CATSPERB: variants seen among roughly 807,000 people sequenced by gnomAD.
The protein encoded by CATSPERB is catsper channel auxiliary subunit beta.
A neutral mutation model predicts 128.3 loss-of-function variants in CATSPERB; 93 were observed. That is an observed-to-expected ratio of 0.72 (90% confidence interval 0.61 to 0.86). The LOEUF is 0.86. CATSPERB is among the 40% of genes least tolerant of loss of function. The pLI, the probability that CATSPERB is intolerant of heterozygous loss-of-function variation, is 0.00. For synonymous variants in CATSPERB, 381 were observed against 448.8 expected, an observed-to-expected ratio of 0.85 and a Z score of 1.91; for missense variants, 1,153 against 1,329.5, an observed-to-expected ratio of 0.87 and a Z score of 2.06.
chr14:91,633,695 T>C (rs1894316601), intron 17 of CATSPERB, among the ~76,000 whole-genome samples: 1 of 152,064 alleles, frequency 6.6e-6, no homozygotes, highest in Non-Finnish European at 1.5e-5. Context: ...AAAAATTCTA[T>C]AGATAAGCTC....
At chr14:91,609,866 G>A (rs1011038082) in intron 21 of CATSPERB, among the ~76,000 whole-genome samples, 12 of 152,092 alleles carry the variant, frequency 7.9e-5, no homozygotes, top group Non-Finnish European at 1.6e-4. Context: ...GATTACAGGC[G>A]CGTGCCACCG....
intron 15 of CATSPERB, among the ~76,000 whole-genome samples, chr14:91,640,282 T>C (rs1894468981): frequency 6.6e-6 from 1 of 151,620 alleles, no homozygotes; most frequent in African/African-American, 2.4e-5. Context: ...TTAAGGTACA[T>C]GTGCACATTG....
At chr14:91,586,105 G>C (rs1314330200) in intron 26 of CATSPERB, among the ~76,000 whole-genome samples, 4 of 152,114 alleles carry the variant, frequency 2.6e-5, no homozygotes, top group South Asian at 4.1e-4. Context: ...CATTTCAAAG[G>C]CTTTGCTGTT....
In CATSPERB at chr14:91,608,278, T is replaced by TA. The variant is rs1326852846; in HGVS notation, c.2709+15dup. ...ATTCAAATAAGTGCTAGATTATTTG[T>TA]AAAAAAGTTATTTACCTTTGACATG... On this transcript the variant is annotated intron_variant, in intron 22 of 26. Coordinates refer to ENST00000256343, the MANE Select transcript of CATSPERB (RefSeq NM_024764.4). 2 of 1,485,010 alleles carry TA rather than the reference T, an allele frequency of 1.3e-6. No individual in the cohort carries two copies. Among genetic ancestry groups the TA allele is most frequent in the Non-Finnish European group, 1.9e-6 (2 of 1,066,030 alleles). The allele number at this position is 1,485,010 out of a possible 1,614,324, so 92.0% of individuals were successfully genotyped here.
At chr14:91,719,266 C>A in intron 5 of CATSPERB, 152 bp downstream of exon 5, 1 of 464,348 alleles carries the variant, frequency 2.2e-6, no homozygotes, top group Non-Finnish European at 3.7e-6. Flanking sequence ...TTCAGATAAA[C>A]CACAGATAAT....
chr14:91,666,243 A>G (rs970947724), intron 14 of CATSPERB, among the ~76,000 whole-genome samples: 10 of 152,222 alleles, frequency 6.6e-5, no homozygotes, highest in Non-Finnish European at 1.2e-4. Context: ...TACAGCCTAT[A>G]CTGGCTTATC....
At chr14:91,660,985 G>A (rs960689178) in intron 14 of CATSPERB, among the ~76,000 whole-genome samples, 1 of 152,176 alleles carries the variant, frequency 6.6e-6, no homozygotes, top group Admixed American at 6.5e-5. Flanking sequence ...CTTGCTTACT[G>A]GGCCTGAATA....
chr14:91,582,372 G>A (rs1415223475), intron 26 of CATSPERB, among the ~76,000 whole-genome samples: 1 of 152,136 alleles, frequency 6.6e-6, no homozygotes, highest in Non-Finnish European at 1.5e-5. Context: ...TTATATTCCA[G>A]CCAAATGGAT....
chr14:91,676,359 C>T (rs1272942234), intron 11 of CATSPERB, among the ~76,000 whole-genome samples: 2 of 152,100 alleles, frequency 1.3e-5, no homozygotes, highest in Admixed American at 6.5e-5. Context: ...TCACTAAAGG[C>T]CCCTGATTTT....
intron 13 of CATSPERB, among the ~76,000 whole-genome samples, chr14:91,670,733 G>A (rs1895074684): frequency 6.6e-6 from 1 of 152,040 alleles, no homozygotes; most frequent in South Asian, 2.1e-4. Context: ...GCCAGGCGCA[G>A]TGGCTTACGC....
At chr14:91,640,961 T>C (rs1894486085) in intron 15 of CATSPERB, among the ~76,000 whole-genome samples, 1 of 151,368 alleles carries the variant, frequency 6.6e-6, no homozygotes, top group Non-Finnish European at 1.5e-5. Context: ...CATAGTGGTT[T>C]TGATTTGCAT....
At position 91,669,907 on chromosome 14, in the gene CATSPERB, T is replaced by A. The variant is rs1895056861; in HGVS notation, c.1194A>T (p.Lys398Asn). 6.2e-7 allele frequency: 1 copy of A among 1,613,292 alleles called. No homozygotes were observed. Among genetic ancestry groups the A allele is most frequent in the African/African-American group, 1.3e-5 (1 of 74,986 alleles). Residue 398 changes from lysine (K) to asparagine (N), a missense_variant, in exon 14 of 27, where the codon AAA becomes AAT. Coordinates refer to ENST00000256343, the MANE Select transcript of CATSPERB (RefSeq NM_024764.4). ...LRNNEPNSQS[K>N]FPIFRFPSSF... is the part of the protein sequence containing the mutation. ...ATGAAGGAAACCGAAAAATTGGAAA[T>A]TTTGATTGTGAATTTGGTTCATTAT...
rs754587218 is a variant in CATSPERB at position 91,691,549 on chromosome 14, T to C, written c.838A>G (p.Arg280Gly). ...CTTTCAAAACCACAAAAGTCTGCCC[T>C]GGAAAACTAGAAGAAAAGAAGAAAC... ...YPSRHSLSFS[R>G]ADFCGFERVD... The change falls in exon 10 of 27, where the codon AGG becomes GGG. Residue 280 changes from arginine to glycine, a missense_variant. Arg to Gly is a moderately radical substitution (Grantham distance 125). Transcript: ENST00000256343. 1.9e-5 allele frequency: 30 copies of C among 1,602,344 alleles called. No individual in the cohort carries two copies. The highest frequency in any genetic ancestry group is 2.3e-5 in the Non-Finnish European group (27 of 1,174,074).
Position 91,610,537 on chromosome 14 carries a change from G to A in CATSPERB, c.2541C>T (p.Asp847=). 1 of 1,613,898 alleles carries A rather than the reference G, an allele frequency of 6.2e-7. No individual in the cohort carries two copies. Among genetic ancestry groups the A allele is most frequent in the Non-Finnish European group, 8.5e-7 (1 of 1,179,992 alleles). ...TGTCTTTATGAACTCCACTAATCCA[G>A]TCTTCAAATGGGATAAATTTGCTAG... ...HIPSKFIPFE[D]WISGVHKDSQ... Residue 847 remains aspartate (D), a synonymous_variant, in exon 21 of 27, where the codon GAC becomes GAT. Transcript: ENST00000256343.
chr14:91,605,422 C>T (rs1424209699), intron 22 of CATSPERB: 1 of 505,634 alleles, frequency 2.0e-6, no homozygotes, highest in African/African-American at 1.9e-5. Flanking sequence ...GAAATATGAC[C>T]TCCAGAAGCG....
intron 16 of CATSPERB, 106 bp downstream of exon 16, chr14:91,638,990 G>C: frequency 1.0e-6 from 1 of 1,004,498 alleles, no homozygotes; most frequent in South Asian, 1.7e-5. Context: ...GCATTAATGA[G>C]TTTGTCCCAA....
At chr14:91,715,604 A>G (rs889255043) in intron 5 of CATSPERB, among the ~76,000 whole-genome samples, 4 of 151,818 alleles carry the variant, frequency 2.6e-5, no homozygotes, top group African/African-American at 9.7e-5. Flanking sequence ...AAACTGATCT[A>G]TAGATTCAAT....
rs1174849905 is a variant in CATSPERB at position 91,639,186 on chromosome 14, G to A, written c.1497C>T (p.His499=). The change falls in exon 16 of 27, where the codon CAC becomes CAT. Residue 499 remains histidine (H), a synonymous_variant. Transcript: ENST00000256343. ...GAGTCAGCTTATGTAGGAATCCCAA[G>A]TGATCATAGTATAATGTGAAAATTC... ...TERIFTLYYD[H]LGFLHKLTLG... 5 of 1,613,766 alleles carry A rather than the reference G, an allele frequency of 3.1e-6. No individual in the cohort carries two copies. The highest frequency in any genetic ancestry group is 4.2e-6 in the Non-Finnish European group (5 of 1,179,848).
intron 15 of CATSPERB, among the ~76,000 whole-genome samples, chr14:91,653,750 T>C (rs1894745451): frequency 1.3e-5 from 2 of 152,316 alleles, no homozygotes; most frequent in South Asian, 2.1e-4. Context: ...TTCTGGGAGA[T>C]ACAACTCAAG....
Sources: allele counts gnomAD v4.1 joint callset (sites outside exome capture counted in the v4.1 genomes callset), GRCh38; gene constraint gnomAD v4.1.1; transcripts MANE v1.5; gene names NCBI Gene and HGNC (gene_info 2026-07-23, HGNC 2026-07-21).